Variants in UROS observed in about 807,000 individuals in gnomAD.
UROS encodes uroporphyrinogen III synthase.
Under a neutral mutation model 33.0 loss-of-function variants are expected in UROS, and 18 were observed. That is an observed-to-expected ratio of 0.55 (90% CI 0.38 to 0.81). The LOEUF is 0.81. UROS is among the 30% of genes least tolerant of loss of function. The pLI, the probability that UROS is intolerant of heterozygous loss-of-function variation, is 0.00. For synonymous variants in UROS, 114 were observed against 121.1 expected, an observed-to-expected ratio of 0.94 and a Z score of 0.38; for missense variants, 293 against 314.9, an observed-to-expected ratio of 0.93 and a Z score of 0.53.
At chr10:125,792,864 C>T (rs1428674572) in intron 9 of UROS, 1 of 152,420 alleles carries the variant, frequency 6.6e-6, no homozygotes, top group Non-Finnish European at 1.5e-5. Flanking sequence ...TATCCAGCGC[C>T]AAGTCCCAGT....
At chr10:125,811,986 C>A (rs909668162) in intron 5 of UROS, among the ~76,000 whole-genome samples, 1 of 152,180 alleles carries the variant, frequency 6.6e-6, no homozygotes, top group Admixed American at 6.5e-5. Context: ...CTTTTGCATA[C>A]ATACTGACCA....
intron 9 of UROS, chr10:125,793,056 C>G (rs921117594): frequency 6.6e-6 from 1 of 152,200 alleles, no homozygotes; most frequent in Non-Finnish European, 1.5e-5. Flanking sequence ...GAGAGCTCCT[C>G]AGAGTGTCTG....
chr10:125,809,338 T>C (rs1271421327), intron 5 of UROS, among the ~76,000 whole-genome samples: 1 of 152,246 alleles, frequency 6.6e-6, no homozygotes, highest in East Asian at 1.9e-4. Context: ...TGGAAGGCTT[T>C]CCTAGGATAT....
chr10:125,802,385 G>A, intron 6 of UROS: 3 of 985,878 alleles, frequency 3.0e-6, no homozygotes, highest in Non-Finnish European at 2.4e-6. Context: ...GTCACTGCCT[G>A]TCTAGGCTGC....
chr10:125,821,965 G>C (rs973103706), intron 1 of UROS, among the ~76,000 whole-genome samples: 8 of 152,126 alleles, frequency 5.3e-5, no homozygotes, highest in Non-Finnish European at 1.0e-4. Flanking sequence ...CTGGGCTCCT[G>C]GGGACCTTTA....
chr10:125,816,383 C>G (rs1853320820), intron 2 of UROS, 54 bp downstream of exon 2: 2 of 1,610,562 alleles, frequency 1.2e-6, no homozygotes, highest in Admixed American at 3.3e-5. Flanking sequence ...CTGCTCCAGG[C>G]CCCTTGACTC....
downstream of UROS, among the ~76,000 whole-genome samples, chr10:125,786,515 CA>C (rs1274026502): frequency 6.6e-6 from 1 of 152,082 alleles, no homozygotes; most frequent in African/African-American, 2.4e-5. Flanking sequence ...CCGCCCGCCT[CA>C]GCCTCCCACA....
At chr10:125,808,933 G>C (rs1320551189) in intron 5 of UROS, among the ~76,000 whole-genome samples, 1 of 152,268 alleles carries the variant, frequency 6.6e-6, no homozygotes, top group African/African-American at 2.4e-5. Flanking sequence ...CCAACACTCT[G>C]GCTGGGTAAG....
intron 5 of UROS, among the ~76,000 whole-genome samples, chr10:125,809,666 C>A (rs1852626398): frequency 6.6e-6 from 1 of 152,094 alleles, no homozygotes; most frequent in Non-Finnish European, 1.5e-5. Flanking sequence ...TTTCCAAGAA[C>A]CTATCAACAA....
intron 3 of UROS, 34 bp from the exon 4 acceptor site, chr10:125,815,164 C>A: frequency 6.2e-7 from 1 of 1,607,744 alleles, no homozygotes; most frequent in East Asian, 2.2e-5. Flanking sequence ...ACATTTTATA[C>A]GATGGCTATG....
chr10:125,806,877 A>G (rs1852383392), intron 6 of UROS, among the ~76,000 whole-genome samples: 1 of 152,180 alleles, frequency 6.6e-6, no homozygotes. Context: ...ATTTTTGCCT[A>G]TGTATCTTCT....
intron 1 of UROS, among the ~76,000 whole-genome samples, chr10:125,820,053 A>G (rs1025563779): frequency 9.9e-5 from 15 of 152,218 alleles, no homozygotes; most frequent in Admixed American, 9.2e-4. Context: ...CTTCTATGTC[A>G]TGGTGTTCTG....
intron 4 of UROS, among the ~76,000 whole-genome samples, chr10:125,814,506 G>A (rs1346976529): frequency 6.6e-6 from 1 of 152,224 alleles, no homozygotes. Flanking sequence ...ATTACACAGG[G>A]TCTGACATAC....
intron 6 of UROS, chr10:125,803,072 T>C (rs750860206): frequency 6.2e-7 from 1 of 1,612,632 alleles, no homozygotes; most frequent in South Asian, 1.1e-5. Flanking sequence ...TAAGTATCTT[T>C]TAGAAGCACA....
At position 125,789,539 on chromosome 10, in the gene UROS, G is replaced by A. The variant is rs1484547273; in HGVS notation, c.661-534C>T. The A allele has an allele frequency of 1.4e-4, 30 of 217,706 alleles. No homozygotes were observed. The Admixed American group carries it at 1.5e-3, about 11-fold the overall frequency. The allele number at this position is 217,706 out of a possible 1,614,324, so 13.5% of individuals were successfully genotyped here. On this transcript the variant is annotated intron_variant, in intron 9 of 9. Transcript: ENST00000368797. ...CCTCCATCTCCTCATCTGTCAAACC[G>A]AAAAGATAACAGGACTCTTCACTGG...
intron 4 of UROS, 64 bp downstream of exon 4, chr10:125,814,970 C>T (rs1853168091): frequency 6.4e-7 from 1 of 1,566,096 alleles, no homozygotes; most frequent in African/African-American, 1.4e-5. Flanking sequence ...GGAATTTAGT[C>T]TCCCAGCAGG....
At chr10:125,810,376 T>A (rs1015588448) in intron 5 of UROS, among the ~76,000 whole-genome samples, 13 of 152,170 alleles carry the variant, frequency 8.5e-5, no homozygotes, top group Admixed American at 3.3e-4. Flanking sequence ...GGGAGGCCCA[T>A]GTGAGTGAGC....
chr10:125,796,005 C>A (rs1446304525), intron 8 of UROS, 98 bp downstream of exon 8: 1 of 1,072,112 alleles, frequency 9.3e-7, no homozygotes, highest in East Asian at 2.4e-5. Context: ...GACAGTGAAA[C>A]CACATATAGA....
At chr10:125,798,218 CT>C in intron 6 of UROS, 73 bp from the exon 7 acceptor site, 1 of 1,518,434 alleles carries the variant, frequency 6.6e-7, no homozygotes, top group Non-Finnish European at 9.1e-7. Flanking sequence ...GGAGGGGCAG[CT>C]TTGGGAAGGG....
Sources: allele counts gnomAD v4.1 joint callset (sites outside exome capture counted in the v4.1 genomes callset), GRCh38; gene constraint gnomAD v4.1.1; transcripts MANE v1.5; gene names NCBI Gene and HGNC (gene_info 2026-07-23, HGNC 2026-07-21).